FOXN3: variants seen among roughly 807,000 people sequenced by gnomAD.
FOXN3 encodes forkhead box protein N3.
FOXN3 carries 7 observed loss-of-function variants against 38.4 expected under a neutral mutation model. That is an observed-to-expected ratio of 0.18 (90% CI 0.10 to 0.34). The LOEUF (loss-of-function observed/expected upper bound fraction) is 0.34. Among genes scored for constraint, FOXN3 ranks in the 10% least tolerant of loss-of-function variants. FOXN3 has a pLI of 1.00. For missense variants in FOXN3, 456 were observed against 613.4 expected, an observed-to-expected ratio of 0.74 and a Z score of 2.71; for synonymous variants, 230 against 242.2, an observed-to-expected ratio of 0.95 and a Z score of 0.47.
intron 1 of FOXN3, among the ~76,000 whole-genome samples, chr14:89,465,408 T>C (rs908626805): frequency 6.6e-6 from 1 of 152,262 alleles, no homozygotes; most frequent in East Asian, 1.9e-4. Flanking sequence ...TTTTGTATTT[T>C]TAGTAGAGAC....
intron 1 of FOXN3, among the ~76,000 whole-genome samples, chr14:89,545,917 T>G (rs969969729): frequency 1.3e-5 from 2 of 152,176 alleles, no homozygotes; most frequent in Non-Finnish European, 2.9e-5. Context: ...TACTCTACAG[T>G]CATTCTTTGC....
At chr14:89,450,608 CAG>C (rs1892596377) in intron 1 of FOXN3, among the ~76,000 whole-genome samples, 2 of 147,018 alleles carry the variant, frequency 1.4e-5, no homozygotes, top group Admixed American at 6.8e-5. Context: ...TTTTTTTAGA[CAG>C]AGTCTCGCCC....
intron 4 of FOXN3, among the ~76,000 whole-genome samples, chr14:89,253,255 T>A (rs1236307731): frequency 6.6e-6 from 1 of 152,170 alleles, no homozygotes; most frequent in Non-Finnish European, 1.5e-5. Flanking sequence ...CTCACCGGCA[T>A]CGCGGAAAAG....
At position 89,303,645 on chromosome 14, in the gene FOXN3, A is replaced by G. The variant is rs568318134; in HGVS notation, c.681-22631T>C. Among the ~76,000 whole-genome samples the G allele has an allele frequency of 2.0e-5, 3 of 152,298 alleles. No homozygotes were observed. The East Asian group carries it at 5.8e-4, about 29-fold the overall frequency. ...CTAGTAAGTGACTCATGCTCTCTTC[A>G]TTGCCATGATGCTTACATAACTACC... On this transcript the variant is annotated intron_variant, in intron 3 of 5. Coordinates refer to ENST00000557258, the MANE Select transcript of FOXN3 (RefSeq NM_005197.4).
chr14:89,463,549 G>A (rs1461675069), intron 1 of FOXN3, among the ~76,000 whole-genome samples: 1 of 152,156 alleles, frequency 6.6e-6, no homozygotes, highest in Non-Finnish European at 1.5e-5. Context: ...CAAGTACACT[G>A]GGTTCCAATT....
intron 5 of FOXN3, among the ~76,000 whole-genome samples, chr14:89,166,563 A>G (rs1457793502): frequency 6.6e-6 from 1 of 152,218 alleles, no homozygotes; most frequent in African/African-American, 2.4e-5. Flanking sequence ...GGAATTCAAA[A>G]TATCTCCCTG....
intron 1 of FOXN3, among the ~76,000 whole-genome samples, chr14:89,550,480 G>A (rs1209371865): frequency 6.6e-6 from 1 of 152,200 alleles, no homozygotes; most frequent in African/African-American, 2.4e-5. Context: ...GAGGGTGTCT[G>A]CTGGGCCAAA....
At chr14:89,234,805 C>A (rs1314840819) in intron 4 of FOXN3, among the ~76,000 whole-genome samples, 1 of 152,152 alleles carries the variant, frequency 6.6e-6, no homozygotes, top group Non-Finnish European at 1.5e-5. Context: ...CTACACACCC[C>A]TGCATTGTGC....
At chr14:89,445,054 T>A (rs1892465384) in intron 1 of FOXN3, among the ~76,000 whole-genome samples, 1 of 151,858 alleles carries the variant, frequency 6.6e-6, no homozygotes, top group African/African-American at 2.4e-5. Context: ...CCCAGGAGGT[T>A]GAGGCTGAAG....
Position 89,417,080 on chromosome 14 carries a change from GGCGTCCGCCGGGCGCGCCGC to G in FOXN3, c.-244_-225del, listed in dbSNP as rs1891763294. The G allele has an allele frequency of 6.9e-6, 1 of 144,076 alleles. No individual in the cohort carries two copies. Among genetic ancestry groups the G allele is most frequent in the African/African-American group, 2.5e-5 (1 of 40,286 alleles). 8.9% of individuals were successfully genotyped at this position (144,076 alleles called of 1,614,324 possible). On this transcript the variant is annotated 5_prime_UTR_variant, in exon 1 of 6. An upstream open reading frame in the 5' UTR gains an earlier in-frame stop. Coordinates refer to ENST00000557258, the MANE Select transcript of FOXN3 (RefSeq NM_005197.4). ...GGTCGCGGCGCGGCATGGGACCTGCGGCGTCCGCCGGGCGCGCCGCGCGTCCTCCCGCCGGCCCCGCCGCT... is the reference window on the plus strand; with the variant it reads ...GGTCGCGGCGCGGCATGGGACCTGCGGCGTCCTCCCGCCGGCCCCGCCGCT...
intron 1 of FOXN3, among the ~76,000 whole-genome samples, chr14:89,454,236 G>A (rs1471137690): frequency 6.6e-6 from 1 of 152,108 alleles, no homozygotes; most frequent in Non-Finnish European, 1.5e-5. Flanking sequence ...TCCAGGAGGC[G>A]GAGGTTGCAG....
In FOXN3 at chr14:89,360,747, TCCACC is replaced by T. The variant is rs1566966382; in HGVS notation, c.544-9944_544-9940del. Among the ~76,000 whole-genome samples the T allele has an allele frequency of 8.7e-4, 59 of 67,516 alleles. 1 individual carries two copies. Among genetic ancestry groups the T allele is most frequent in the Admixed American group, 3.9e-3 (28 of 7,182 alleles). 44.3% of individuals were successfully genotyped at this position (67,516 alleles called of 152,430 possible). A position where few individuals can be genotyped will look rare whatever the true frequency, so the allele number is the denominator to read the frequency against. Reference sequence around the variant, plus strand: ...CACCACCACCACCTCCAGCACCACCTCCACCACCACCTCCACCACTACCACCTCCA... The same window carrying T: ...CACCACCACCACCTCCAGCACCACCTACCACCTCCACCACTACCACCTCCA... On this transcript the variant is annotated intron_variant, in intron 2 of 5. Coordinates refer to ENST00000557258, the MANE Select transcript of FOXN3 (RefSeq NM_005197.4).
intron 3 of FOXN3, among the ~76,000 whole-genome samples, chr14:89,326,569 T>C (rs1596186354): frequency 6.6e-6 from 1 of 152,174 alleles, no homozygotes; most frequent in African/African-American, 2.4e-5. Context: ...AGAAAATTGA[T>C]CTCTCCTGTT....
In FOXN3 at chr14:89,545,312, G is replaced by A. The variant is rs576745038; in HGVS notation, c.-15+73716C>T. Among the ~76,000 whole-genome samples, 40 of 152,302 alleles carry A rather than the reference G, an allele frequency of 2.6e-4. No individual in the cohort carries two copies. In the South Asian group the frequency reaches 7.7e-3, roughly 29 times the overall value. ...CAACCCTGAACCTGGGATCTCATTC[G>A]TCGATACGGGGGCCACCAGAGGAGA... On this transcript the variant is annotated intron_variant, in intron 1 of 6. Transcript: ENST00000345097.
At chr14:89,237,875 G>A (rs890124911) in intron 4 of FOXN3, among the ~76,000 whole-genome samples, 3 of 152,106 alleles carry the variant, frequency 2.0e-5, no homozygotes, top group Non-Finnish European at 4.4e-5. Flanking sequence ...ATCTGTCCAC[G>A]CTGTGTCTTG....
At chr14:89,391,588 G>C (rs1394926812) in intron 2 of FOXN3, among the ~76,000 whole-genome samples, 1 of 152,220 alleles carries the variant, frequency 6.6e-6, no homozygotes, top group Non-Finnish European at 1.5e-5. Flanking sequence ...GGCAGGTATT[G>C]CATCTTATTG....
intron 1 of FOXN3, among the ~76,000 whole-genome samples, chr14:89,523,760 C>T (rs1348730254): frequency 1.5e-5 from 2 of 132,464 alleles, no homozygotes; most frequent in Admixed American, 7.2e-5. Context: ...TGAATTTCTT[C>T]CTTTCTTTAT....
intron 1 of FOXN3, among the ~76,000 whole-genome samples, chr14:89,508,815 T>C (rs967061523): frequency 3.3e-5 from 5 of 152,296 alleles, no homozygotes; most frequent in African/African-American, 9.6e-5. Flanking sequence ...GAGATGCCAG[T>C]GCTGCTGGCC....
At chr14:89,323,170 C>T (rs1887941349) in intron 3 of FOXN3, among the ~76,000 whole-genome samples, 1 of 151,788 alleles carries the variant, frequency 6.6e-6, no homozygotes. Flanking sequence ...CAACTGCAGT[C>T]CCAGCTACTC....
Sources: gnomAD v4.1 joint callset for allele counts (sites outside exome capture counted in the v4.1 genomes callset) on GRCh38, gnomAD v4.1.1 for gene constraint, MANE v1.5 for transcripts, NCBI Gene and HGNC (gene_info 2026-07-23, HGNC 2026-07-21) for gene names.